LRRC37A3: variants seen among roughly 807,000 people sequenced by gnomAD.
The protein encoded by LRRC37A3 is leucine-rich repeat-containing protein 37A3.
LRRC37A3 carries 25 observed loss-of-function variants against 106.2 expected under a neutral mutation model. That is an observed-to-expected ratio of 0.24 (90% CI 0.17 to 0.33). LRRC37A3 has a LOEUF of 0.33. Among genes scored for constraint, LRRC37A3 ranks in the 10% least tolerant of loss-of-function variants. The probability of loss-of-function intolerance (pLI) is 1.00; values close to 1 mark genes in which losing one functional copy is unlikely to be tolerated. For missense variants in LRRC37A3, 712 were observed against 1,644.9 expected (o/e 0.43, Z 9.81); for synonymous variants, 305 against 635.8 (o/e 0.48, Z 7.83).
intron 8 of LRRC37A3, chr17:64,871,444 TAA>T (rs1973308672): frequency 6.6e-6 from 1 of 152,078 alleles, no homozygotes; most frequent in Non-Finnish European, 1.5e-5. Context: ...TTCCCATGAT[TAA>T]ATAGTTAATT....
chr17:64,873,625 C>G (rs1367237265), intron 8 of LRRC37A3, among the ~76,000 whole-genome samples: 1 of 149,482 alleles, frequency 6.7e-6, no homozygotes, highest in East Asian at 2.0e-4. Flanking sequence ...AATAGAAATT[C>G]TAGAGTTGAA....
chr17:64,863,164 A>G, intron 10 of LRRC37A3, 146 bp from the exon 11 acceptor site: 3 of 1,037,486 alleles, frequency 2.9e-6, no homozygotes, highest in Non-Finnish European at 4.4e-6. Context: ...CAGAAGGCCA[A>G]TAGGAAGGAG....
intron 8 of LRRC37A3, among the ~76,000 whole-genome samples, chr17:64,874,227 G>A (rs530432780): frequency 6.8e-4 from 104 of 152,358 alleles, no homozygotes; most frequent in Non-Finnish European, 1.3e-3. Context: ...GTAAAACCCT[G>A]TCTCTACAAA....
intron 12 of LRRC37A3, 98 bp downstream of exon 12, chr17:64,859,344 C>T (rs1972788358): frequency 2.3e-6 from 3 of 1,303,588 alleles, no homozygotes; most frequent in Non-Finnish European, 1.1e-6. Context: ...CCAAGATAAG[C>T]TATGGCCTGG....
chr17:64,878,195 T>A (rs1973578685), intron 8 of LRRC37A3, among the ~76,000 whole-genome samples: 1 of 152,226 alleles, frequency 6.6e-6, no homozygotes, highest in Non-Finnish European at 1.5e-5. Context: ...CAGCCTGACA[T>A]GGTGAAAAGA....
intron 2 of LRRC37A3, chr17:64,910,037 G>T (rs1469135401): frequency 6.6e-6 from 1 of 152,178 alleles, no homozygotes; most frequent in African/African-American, 2.4e-5. Context: ...ATACAAGAAG[G>T]ATCTACATGG....
chr17:64,863,165 T>C, intron 10 of LRRC37A3, 147 bp from the exon 11 acceptor site: 1 of 1,011,544 alleles, frequency 9.9e-7, no homozygotes, highest in Admixed American at 2.0e-5. Context: ...AGAAGGCCAA[T>C]AGGAAGGAGG....
chr17:64,863,129 G>C, intron 10 of LRRC37A3, 111 bp from the exon 11 acceptor site: 3 of 1,468,302 alleles, frequency 2.0e-6, no homozygotes, highest in Non-Finnish European at 2.8e-6. Flanking sequence ...ATTGAAGCCT[G>C]TGGACTGGAC....
chr17:64,874,336 G>A (rs796483081), intron 8 of LRRC37A3, among the ~76,000 whole-genome samples: 51 of 146,742 alleles, frequency 3.5e-4, no homozygotes, highest in African/African-American at 1.2e-3. Flanking sequence ...CTGCCTGGCT[G>A]CCCCGTCTGA....
At chr17:64,865,556 A>T (rs1274611959) in intron 10 of LRRC37A3, among the ~76,000 whole-genome samples, 1 of 152,188 alleles carries the variant, frequency 6.6e-6, no homozygotes, top group East Asian at 1.9e-4. Context: ...TATAACTTTC[A>T]TCTGGAATCA....
chr17:64,863,932 G>A (rs1972967333), intron 10 of LRRC37A3, among the ~76,000 whole-genome samples: 1 of 150,648 alleles, frequency 6.6e-6, no homozygotes, highest in Admixed American at 6.6e-5. Flanking sequence ...AGCCTCCTGA[G>A]TAGCTGGGAG....
chr17:64,877,570 G>A (rs969713609), intron 8 of LRRC37A3, among the ~76,000 whole-genome samples: 21 of 152,170 alleles, frequency 1.4e-4, no homozygotes, highest in African/African-American at 4.3e-4. Flanking sequence ...TAGCAGTTAG[G>A]TTGGGCATTT....
intron 1 of LRRC37A3, 122 bp from the exon 2 acceptor site, chr17:64,918,992 G>A (rs1974767280): frequency 8.2e-6 from 10 of 1,218,576 alleles, no homozygotes; most frequent in East Asian, 3.2e-5. Flanking sequence ...GCCTCCCCCC[G>A]GCCGGGGCGC....
At chr17:64,913,020 TTAAG>T (rs1197425772) in intron 2 of LRRC37A3, among the ~76,000 whole-genome samples, 5 of 150,994 alleles carry the variant, frequency 3.3e-5, no homozygotes, top group Admixed American at 2.0e-4. Flanking sequence ...TATATTAATA[TTAAG>T]TAATTTTTTT....
chr17:64,912,632 A>T (rs1974615699), intron 2 of LRRC37A3, among the ~76,000 whole-genome samples: 1 of 151,940 alleles, frequency 6.6e-6, no homozygotes, highest in Non-Finnish European at 1.5e-5. Flanking sequence ...AATAATAAAA[A>T]GGAAACCTAA....
intron 8 of LRRC37A3, among the ~76,000 whole-genome samples, chr17:64,875,499 A>G (rs554290492): frequency 2.6e-5 from 4 of 152,360 alleles, no homozygotes; most frequent in East Asian, 1.9e-4. Context: ...AAAGAAATAA[A>G]AAACACTGGC....
At chr17:64,854,677 T>C in intron 14 of LRRC37A3, 33 bp from the exon 15 acceptor site, 2 of 1,612,774 alleles carry the variant, frequency 1.2e-6, no homozygotes, top group Non-Finnish European at 1.7e-6. Flanking sequence ...AAGGTTTTGA[T>C]TCTTGAAAGG....
chr17:64,881,185 C>A (rs1973689988), intron 8 of LRRC37A3: 2 of 700,780 alleles, frequency 2.9e-6, no homozygotes, highest in Admixed American at 2.0e-5. Flanking sequence ...CACGTAAATG[C>A]TTTTTCAGGG....
rs1449966006 is a variant in LRRC37A3, at chr17:64,860,490, G to A, written c.3656C>T (p.Thr1219Ile). Reference sequence around the variant, plus strand: ...CGCTAACTTCTCAGGCCCCTGCTGTGTGTGAGGCTGTTTCAGCTCCCTTGG... The same window carrying A: ...CGCTAACTTCTCAGGCCCCTGCTGTATGTGAGGCTGTTTCAGCTCCCTTGG... ...PAPRELKQPHTQQGPEKLAGN... is the reference protein window; with the variant it reads ...PAPRELKQPHIQQGPEKLAGN... Residue 1219 changes from threonine (T) to isoleucine (I), a missense_variant, in exon 12 of 15, where the codon ACA becomes ATA. Physicochemically the swap from Thr to Ile is moderately conservative, Grantham distance 89. Transcript: ENST00000584306. 3 of 1,613,224 alleles carry A rather than the reference G, an allele frequency of 1.9e-6. No individual in the cohort carries two copies. The highest frequency in any genetic ancestry group is 8.5e-7 in the Non-Finnish European group (1 of 1,179,860).
Sources: allele counts gnomAD v4.1 joint callset (sites outside exome capture counted in the v4.1 genomes callset), GRCh38; gene constraint gnomAD v4.1.1; transcripts MANE v1.5; gene names NCBI Gene and HGNC (gene_info 2026-07-23, HGNC 2026-07-21).